CLCA4: variants seen among roughly 807,000 people sequenced by gnomAD.
CLCA4 encodes the protein chloride channel accessory 4.
In CLCA4, 69 loss-of-function variants were observed where a neutral mutation model predicts 78.9. The observed-to-expected ratio is 0.87, with a 90% CI of 0.72 to 1.07. The LOEUF (loss-of-function observed/expected upper bound fraction) is 1.07, where lower values mean the gene tolerates loss of function less well. Ranked by LOEUF, CLCA4 falls within the 50% of genes least tolerant of loss-of-function variation. CLCA4 has a pLI of 0.00. For missense variants in CLCA4, 1,133 were observed against 1,095.8 expected, an observed-to-expected ratio of 1.03 and a Z score of -0.48; for synonymous variants, 362 against 375.8, an observed-to-expected ratio of 0.96 and a Z score of 0.42.
At chr1:86,578,485 C>T (rs1192442694) in intron 12 of CLCA4, among the ~76,000 whole-genome samples, 1 of 151,956 alleles carries the variant, frequency 6.6e-6, no homozygotes, top group East Asian at 1.9e-4. Flanking sequence ...GCCCTAGTGC[C>T]TATTGTTACC....
chr1:86,554,263 T>A (rs913997485), intron 1 of CLCA4, among the ~76,000 whole-genome samples: 1 of 152,184 alleles, frequency 6.6e-6, no homozygotes, highest in Non-Finnish European at 1.5e-5. Context: ...TCTATTCCTG[T>A]GTTAGTTTGC....
At chr1:86,557,879 A>T (rs1649898630) in intron 1 of CLCA4, among the ~76,000 whole-genome samples, 2 of 151,792 alleles carry the variant, frequency 1.3e-5, no homozygotes, top group Admixed American at 1.3e-4. Flanking sequence ...TTTGTTGGGC[A>T]TATATATATT....
intron 5 of CLCA4, 113 bp from the exon 6 acceptor site, chr1:86,565,689 T>A: frequency 1.5e-6 from 1 of 678,508 alleles, no homozygotes; most frequent in Non-Finnish European, 2.3e-6. Flanking sequence ...GTAAATGATA[T>A]TTCATTCAAC....
At chr1:86,553,366 C>T in intron 1 of CLCA4, 1 of 551,206 alleles carries the variant, frequency 1.8e-6, no homozygotes, top group Admixed American at 2.8e-5. Flanking sequence ...GAACGGTTAT[C>T]TGGGTCCTGC....
In CLCA4 at chr1:86,563,755, A is replaced by C; in HGVS notation, c.543A>C (p.Lys181Asn). The C allele has an allele frequency of 6.2e-7, 1 of 1,600,902 alleles. No individual in the cohort carries two copies. The highest frequency in any genetic ancestry group is 1.1e-5 in the South Asian group (1 of 89,614). Residue 181 changes from lysine to asparagine, a missense_variant, in exon 4 of 14, where the codon AAA becomes AAC. Lys to Asn is a moderately conservative substitution (Grantham distance 94). Coordinates refer to ENST00000370563, the MANE Select transcript of CLCA4 (RefSeq NM_012128.4). The stretch of plus-strand genomic sequence containing the variant: ...CTTTCTACCGTGCTAAGTCAAAAAA[A>C]ATCGAAGCAACAAGGCATGGCTATT... ...DQPFYRAKSK[K>N]IEATRCSAGI...
At chr1:86,576,458 C>T (rs2101818447) in intron 11 of CLCA4, among the ~76,000 whole-genome samples, 1 of 152,168 alleles carries the variant, frequency 6.6e-6, no homozygotes, top group Admixed American at 6.5e-5. Flanking sequence ...GCTGGAATTA[C>T]AGGAGTGAGC....
intron 9 of CLCA4, 89 bp from the exon 10 acceptor site, chr1:86,574,451 G>A (rs1650447506): frequency 9.7e-7 from 1 of 1,036,030 alleles, no homozygotes; most frequent in Non-Finnish European, 1.4e-6. Flanking sequence ...TTATAAGCTT[G>A]TTCTCAGGCC....
At chr1:86,578,181 C>T in intron 12 of CLCA4, 109 bp downstream of exon 12, 1 of 1,004,046 alleles carries the variant, frequency 1.0e-6, no homozygotes, top group Middle Eastern at 2.7e-4. Context: ...TAGCTTTTCC[C>T]ATTTATGGAA....
chr1:86,547,315 G>T, intron 1 of CLCA4, 37 bp downstream of exon 1: 1 of 1,467,590 alleles, frequency 6.8e-7, no homozygotes, highest in Non-Finnish European at 9.1e-7. Flanking sequence ...TTAATTTTTA[G>T]TTTTTTACTA....
In CLCA4 at chr1:86,579,392, G is replaced by A. The variant is rs1389642835; in HGVS notation, c.2161G>A (p.Glu721Lys). ...EANPPRPEID[E>K]DTQTTLEDFS... ...AAACCCGCCAAGACCTGAAATTGAT[G>A]AGGATACTCAGACCACCTTGGAGGA... Residue 721 changes from glutamate (E) to lysine (K), a missense_variant, in exon 13 of 14, where the codon GAG becomes AAG. Coordinates refer to ENST00000370563, the MANE Select transcript of CLCA4 (RefSeq NM_012128.4). The A allele has an allele frequency of 3.0e-5, 49 of 1,613,214 alleles. No individual in the cohort carries two copies. Among genetic ancestry groups the A allele is most frequent in the Non-Finnish European group, 4.2e-5 (49 of 1,179,472 alleles).
At chr1:86,559,595 C>T (rs1461275623) in intron 1 of CLCA4, among the ~76,000 whole-genome samples, 1 of 152,192 alleles carries the variant, frequency 6.6e-6, no homozygotes, top group African/African-American at 2.4e-5. Flanking sequence ...CAACCAAGAT[C>T]TGTCATCCAG....
intron 6 of CLCA4, among the ~76,000 whole-genome samples, chr1:86,566,480 G>T (rs1650193063): frequency 6.6e-6 from 1 of 152,064 alleles, no homozygotes; most frequent in Admixed American, 6.6e-5. Flanking sequence ...TGAATGCACA[G>T]CAAACAAGTG....
intron 1 of CLCA4, among the ~76,000 whole-genome samples, chr1:86,555,790 A>C (rs1649822939): frequency 6.6e-6 from 1 of 152,184 alleles, no homozygotes; most frequent in Non-Finnish European, 1.5e-5. Flanking sequence ...GCTTTGGGCA[A>C]TATAACCATT....
chr1:86,549,269 T>A (rs1321529439), intron 1 of CLCA4, among the ~76,000 whole-genome samples: 1 of 152,018 alleles, frequency 6.6e-6, no homozygotes, highest in Non-Finnish European at 1.5e-5. Flanking sequence ...CATTGAAAAC[T>A]AGGGGAGAAA....
Position 86,560,357 on chromosome 1 carries a change from A to G in CLCA4, c.447A>G (p.Pro149=). 1 of 1,613,156 alleles carries G rather than the reference A, an allele frequency of 6.2e-7. No individual in the cohort carries two copies. Among genetic ancestry groups the G allele is most frequent in the Non-Finnish European group, 8.5e-7 (1 of 1,179,704 alleles). The change falls in exon 3 of 14, where the codon CCA becomes CCG. Residue 149 remains proline, a splice_region_variant and synonymous_variant. Transcript: ENST00000370563. ...LGKKQNEYGP[P]GKLFVHEWAH... is the part of the protein sequence containing the mutation. ...AAAAACAAAATGAATATGGACCACC[A>G]GGTAGAAATTTTGGTTAAAAAATAA...
rs374307684 is a variant in CLCA4, at chr1:86,557,437, T to A, written c.160-2495T>A. Among the ~76,000 whole-genome samples, 4 of 152,340 alleles carry A rather than the reference T, an allele frequency of 2.6e-5. No homozygotes were observed. The East Asian group carries it at 5.8e-4, about 22-fold the overall frequency. On this transcript the variant is annotated intron_variant, in intron 1 of 13. Transcript: ENST00000370563. ...TTGTTCTTATTAGTTTTGAAGAACATCTTGATTTCTGCTTTAATTTTATTA... is the reference window on the plus strand; with the variant it reads ...TTGTTCTTATTAGTTTTGAAGAACAACTTGATTTCTGCTTTAATTTTATTA...
At chr1:86,555,792 A>G (rs1221153782) in intron 1 of CLCA4, among the ~76,000 whole-genome samples, 1 of 152,218 alleles carries the variant, frequency 6.6e-6, no homozygotes, top group East Asian at 1.9e-4. Context: ...TTTGGGCAAT[A>G]TAACCATTTT....
At chr1:86,570,380 G>GC (rs1650315728) in intron 7 of CLCA4, among the ~76,000 whole-genome samples, 1 of 151,944 alleles carries the variant, frequency 6.6e-6, no homozygotes, top group South Asian at 2.1e-4. Flanking sequence ...TCTTTTACAG[G>GC]CACCTAGTTT....
chr1:86,573,083 C>T (rs1650402082), intron 9 of CLCA4: 2 of 275,700 alleles, frequency 7.3e-6, no homozygotes, highest in Non-Finnish European at 1.4e-5. Flanking sequence ...TTTCCCCATG[C>T]TTAACTTCTA....
Sources: allele counts gnomAD v4.1 joint callset (sites outside exome capture counted in the v4.1 genomes callset), GRCh38; gene constraint gnomAD v4.1.1; transcripts MANE v1.5; gene names NCBI Gene and HGNC (gene_info 2026-07-23, HGNC 2026-07-21).